The following PCCA variants were observed in gnomAD, a reference collection of about 807,000 sequenced individuals.
The protein encoded by PCCA is propionyl-CoA carboxylase alpha chain, mitochondrial.
A neutral mutation model predicts 101.3 loss-of-function variants in PCCA; 74 were observed. The ratio of observed to expected loss-of-function variants is 0.73; its 90% CI spans 0.61 to 0.89. The LOEUF (loss-of-function observed/expected upper bound fraction) is 0.89. Ranked by LOEUF, PCCA falls within the 40% of genes least tolerant of loss-of-function variation. The pLI, the probability that PCCA is intolerant of heterozygous loss-of-function variation, is 0.00. For synonymous variants in PCCA, 294 were observed against 313.6 expected, an observed-to-expected ratio of 0.94 and a Z score of 0.66; for missense variants, 891 against 907.0, an observed-to-expected ratio of 0.98 and a Z score of 0.23.
chr13:100,530,334 G>A lies in PCCA; in HGVS notation c.*168G>A, dbSNP rs556221304. On this transcript the variant is annotated 3_prime_UTR_variant, in exon 24 of 24. Transcript: ENST00000376285. ...ATATTCTGCCAAAAAATCACCAATGGAAATTTTCATTGATATAAATACTTG... is the reference window on the plus strand; with the variant it reads ...ATATTCTGCCAAAAAATCACCAATGAAAATTTTCATTGATATAAATACTTG... The A allele has an allele frequency of 5.8e-5, 39 of 674,764 alleles. 2 individuals carry two copies. The highest frequency in any genetic ancestry group is 4.8e-4 in the South Asian group (29 of 60,608). 41.8% of individuals were successfully genotyped at this position (674,764 alleles called of 1,614,324 possible).
intron 18 of PCCA, among the ~76,000 whole-genome samples, chr13:100,359,698 A>G (rs1158638269): frequency 2.6e-5 from 4 of 152,242 alleles, no homozygotes; most frequent in Non-Finnish European, 4.4e-5. Context: ...AGAAAACTCT[A>G]AGGAGTCTGC....
intron 7 of PCCA, among the ~76,000 whole-genome samples, chr13:100,228,125 C>G (rs894041098): frequency 2.0e-5 from 3 of 152,114 alleles, no homozygotes; most frequent in African/African-American, 7.2e-5. Context: ...AATCAATTCC[C>G]CTGCCTCAGC....
At chr13:100,255,398 A>G (rs966344514) in intron 8 of PCCA, among the ~76,000 whole-genome samples, 2 of 152,212 alleles carry the variant, frequency 1.3e-5, no homozygotes, top group Non-Finnish European at 2.9e-5. Flanking sequence ...AAATCACTGT[A>G]TAGTCCAGGG....
chr13:100,218,337 A>G (rs532586192), intron 7 of PCCA, among the ~76,000 whole-genome samples: 2 of 137,220 alleles, frequency 1.5e-5, no homozygotes, highest in East Asian at 2.1e-4. Flanking sequence ...ATGTCTGGCT[A>G]TGGGTTGTTT....
chr13:100,366,304 G>GCACACAGTCCTGT (rs1567012100), intron 18 of PCCA, among the ~76,000 whole-genome samples: 2 of 151,384 alleles, frequency 1.3e-5, no homozygotes, highest in African/African-American at 2.5e-5. Context: ...GGAGCTTGGG[G>GCACACAGTCCTGT]CACACAGTCC....
At chr13:100,346,959 C>T (rs546787487) in intron 18 of PCCA, among the ~76,000 whole-genome samples, 4 of 152,022 alleles carry the variant, frequency 2.6e-5, no homozygotes, top group Admixed American at 1.3e-4. Flanking sequence ...CTGCAACCTC[C>T]GCCTCCTGTG....
At chr13:100,123,384 C>A (rs966149542) in intron 4 of PCCA, among the ~76,000 whole-genome samples, 2 of 152,102 alleles carry the variant, frequency 1.3e-5, no homozygotes, top group African/African-American at 4.8e-5. Context: ...CAGAAAAAAT[C>A]TCTGGTGGTT....
chr13:100,171,504 C>G (rs377171099), intron 6 of PCCA, among the ~76,000 whole-genome samples: 31 of 152,176 alleles, frequency 2.0e-4, no homozygotes, highest in African/African-American at 7.5e-4. Context: ...TCTTTTTTAG[C>G]CTTAGTATAA....
At chr13:100,263,097 C>A (rs1160725392) in intron 10 of PCCA, among the ~76,000 whole-genome samples, 1 of 152,080 alleles carries the variant, frequency 6.6e-6, no homozygotes, top group Non-Finnish European at 1.5e-5. Context: ...AAGAAAAGTG[C>A]CTGACCTGGA....
intron 11 of PCCA, among the ~76,000 whole-genome samples, chr13:100,272,145 C>A (rs114071646): frequency 1.5e-3 from 221 of 152,172 alleles, no homozygotes; most frequent in African/African-American, 5.1e-3. Context: ...AACTTGCCTG[C>A]TTGAAGGTGG....
At chr13:100,238,253 G>A (rs986626795) in intron 8 of PCCA, among the ~76,000 whole-genome samples, 44 of 151,970 alleles carry the variant, frequency 2.9e-4, no homozygotes, top group Non-Finnish European at 5.2e-4. Context: ...TTCCACTTTC[G>A]TTATAACCTG....
chr13:100,284,850 C>T (rs560349321), intron 12 of PCCA, among the ~76,000 whole-genome samples: 13 of 152,326 alleles, frequency 8.5e-5, no homozygotes, highest in Admixed American at 3.9e-4. Flanking sequence ...TAGCCCTCAT[C>T]GGTTTGGTCA....
At chr13:100,427,291 A>G (rs1170744548) in intron 20 of PCCA, among the ~76,000 whole-genome samples, 1 of 152,262 alleles carries the variant, frequency 6.6e-6, no homozygotes, top group Non-Finnish European at 1.5e-5. Context: ...TAGACTGTAC[A>G]GTGCATCGAA....
chr13:100,312,967 A>G (rs1328067295), intron 16 of PCCA, among the ~76,000 whole-genome samples: 4 of 152,232 alleles, frequency 2.6e-5, no homozygotes, highest in Non-Finnish European at 5.9e-5. Context: ...CATTTCTCTT[A>G]GACTTTTTAA....
chr13:100,283,297 G>A (rs2064290675), intron 12 of PCCA, among the ~76,000 whole-genome samples: 1 of 152,160 alleles, frequency 6.6e-6, no homozygotes, highest in Non-Finnish European at 1.5e-5. Flanking sequence ...CTACCGGTCA[G>A]CAACCCATCC....
rs1262412398 is a variant in PCCA, at chr13:100,286,903, AT to A, written c.1065+13562del. Among the ~76,000 whole-genome samples the A allele has an allele frequency of 5.9e-5, 9 of 152,132 alleles. No homozygotes were observed. In the East Asian group the frequency reaches 1.4e-3, roughly 23 times the overall value. On this transcript the variant is annotated intron_variant, in intron 12 of 23. Coordinates refer to ENST00000376285, the MANE Select transcript of PCCA (RefSeq NM_000282.4). ...AAAGTTTTTATTTGTATGCAGTTTAATTTTTAAATCTTCTCTTTGTGATTTC... is the reference window on the plus strand; with the variant it reads ...AAAGTTTTTATTTGTATGCAGTTTAATTTTAAATCTTCTCTTTGTGATTTC...
chr13:100,369,274 T>C (rs1407094773), intron 19 of PCCA, among the ~76,000 whole-genome samples: 1 of 152,226 alleles, frequency 6.6e-6, no homozygotes, highest in East Asian at 1.9e-4. Flanking sequence ...ATTCTGTTTA[T>C]CTACATTTCT....
At position 100,142,543 on chromosome 13, in the gene PCCA, C is replaced by T. The variant is rs191329554; in HGVS notation, c.301-12436C>T. ...AGGCTGGCGTGCAGTGGCATGATCT[C>T]GGCTCATGCAACCTCCGCCTCCTGG... On this transcript the variant is annotated intron_variant, in intron 4 of 23. Transcript: ENST00000376285. Among the ~76,000 whole-genome samples, 808 of 149,564 alleles carry T rather than the reference C, an allele frequency of 5.4e-3. 9 individuals are homozygous for T. The highest frequency in any genetic ancestry group is 0.019 in the African/African-American group (770 of 40,252).
chr13:100,264,004 C>T (rs146151555), intron 10 of PCCA, among the ~76,000 whole-genome samples: 3,251 of 144,916 alleles, frequency 0.022, 46 homozygotes, highest in African/African-American at 0.08. Flanking sequence ...ATCTGTATAT[C>T]GTATATATAC....
Sources: allele counts gnomAD v4.1 joint callset (sites outside exome capture counted in the v4.1 genomes callset), GRCh38; gene constraint gnomAD v4.1.1; transcripts MANE v1.5; gene names NCBI Gene and HGNC (gene_info 2026-07-23, HGNC 2026-07-21).